The following OFD1 variants were observed in gnomAD, a reference collection of about 807,000 sequenced individuals.
The protein encoded by OFD1 is OFD1 centriole and centriolar satellite protein.
In OFD1, 12 loss-of-function variants were observed where a neutral mutation model predicts 81.4. That is an observed-to-expected ratio of 0.15 (90% confidence interval 0.09 to 0.24). OFD1 has a LOEUF of 0.24. Ranked by LOEUF, OFD1 falls within the 10% of genes least tolerant of loss-of-function variation. The pLI is 1.00. For synonymous variants in OFD1, 256 were observed against 263.7 expected, an observed-to-expected ratio of 0.97 and a Z score of 0.28; for missense variants, 685 against 733.9, an observed-to-expected ratio of 0.93 and a Z score of 0.77.
downstream of OFD1, among the ~76,000 whole-genome samples, chrX:13,769,926 C>T (rs978975843): frequency 1.6e-4 from 18 of 112,197 alleles, no homozygotes; most frequent in African/African-American, 5.5e-4. Flanking sequence ...TTGTAAGTTA[C>T]CCAGTCTAAG....
Position 13,757,649 on chromosome X carries a change from T to G in OFD1, c.1412-11T>G. The G allele has an allele frequency of 8.4e-7, 1 of 1,187,155 alleles. No homozygotes were observed. ...ATGACTAGGATTTTTTTTTTTTTTT[T>G]ACCTTCTTAGGCCTAGCTCAGCCGG... On this transcript the variant is annotated splice_polypyrimidine_tract_variant and intron_variant, in intron 13 of 22. Coordinates refer to ENST00000340096, the MANE Select transcript of OFD1 (RefSeq NM_003611.3).
chrX:13,717,411 C>T, the OFD1 span, among the ~76,000 whole-genome samples: 11 of 112,266 alleles, frequency 9.8e-5, no homozygotes, highest in African/African-American at 3.2e-4. Flanking sequence ...GAATTCAGAA[C>T]TTGGAATGCA....
At chrX:13,764,382 C>T (rs956762021) in intron 19 of OFD1, among the ~76,000 whole-genome samples, 2 of 112,258 alleles carry the variant, frequency 1.8e-5, no homozygotes, top group Non-Finnish European at 3.8e-5. Flanking sequence ...GCTGTGACAC[C>T]GAGTTAGCGT....
intron 13 of OFD1, among the ~76,000 whole-genome samples, 192 bp from the exon 14 acceptor site, chrX:13,757,468 C>A (rs990450430): frequency 1.8e-5 from 2 of 111,973 alleles, no homozygotes; most frequent in African/African-American, 6.5e-5. Flanking sequence ...TTAACATGCA[C>A]TAAATTCTTT....
the OFD1 span, among the ~76,000 whole-genome samples, chrX:13,728,954 A>C: frequency 1.8e-5 from 2 of 111,820 alleles, no homozygotes; most frequent in African/African-American, 3.3e-5. Context: ...CTATACACCA[A>C]TAATAGACAG....
chrX:13,731,551 G>T (rs764787661), upstream of OFD1, among the ~76,000 whole-genome samples: 3 of 112,043 alleles, frequency 2.7e-5, no homozygotes, highest in Non-Finnish European at 5.6e-5. Context: ...GAGTCCTGGA[G>T]CCTGAGTGAA....
intron 8 of OFD1, among the ~76,000 whole-genome samples, chrX:13,747,380 A>G (rs909383605): frequency 7.2e-5 from 8 of 111,669 alleles, no homozygotes; most frequent in African/African-American, 2.6e-4. Context: ...GAGAGAGGTC[A>G]AACCAGGTGC....
At position 13,735,099 on chromosome X, in the gene OFD1, C is replaced by T. The variant is rs375680703; in HGVS notation, c.12+16C>T. The T allele has an allele frequency of 5.8e-6, 7 of 1,202,624 alleles. No individual in the cohort carries two copies. The highest frequency in any genetic ancestry group is 1.8e-5 in the South Asian group (1 of 56,227). On this transcript the variant is annotated intron_variant, in intron 1 of 22. Coordinates refer to ENST00000340096, the MANE Select transcript of OFD1 (RefSeq NM_003611.3). Reference sequence around the variant, plus strand: ...GATGGCGCAGGTAGACACACCTGCCCCTTCTCGGGCGGAAATAAAGTCTTG... The same window carrying T: ...GATGGCGCAGGTAGACACACCTGCCTCTTCTCGGGCGGAAATAAAGTCTTG...
intron 5 of OFD1, among the ~76,000 whole-genome samples, chrX:13,741,639 G>C (rs145311955): frequency 0.17 from 18,784 of 111,693 alleles, 1,335 homozygotes; most frequent in South Asian, 0.33. Context: ...TTATTCACTT[G>C]GGTGCAAGTG....
At chrX:13,754,541 C>G (rs1382251998) in intron 11 of OFD1, among the ~76,000 whole-genome samples, 5 of 109,863 alleles carry the variant, frequency 4.6e-5, no homozygotes, top group Non-Finnish European at 9.5e-5. Flanking sequence ...CTCAGCCTCC[C>G]AAGTAGCTGG....
intron 20 of OFD1, chrX:13,767,822 T>C: frequency 2.8e-6 from 1 of 361,156 alleles, no homozygotes; most frequent in Non-Finnish European, 4.9e-6. Context: ...TTCCTTGGAC[T>C]CTTGGTTAAT....
upstream of OFD1, among the ~76,000 whole-genome samples, chrX:13,730,184 C>T (rs779863393): frequency 1.2e-3 from 127 of 109,488 alleles, 1 homozygote; most frequent in African/African-American, 4.0e-3. Flanking sequence ...TGACGAAGGG[C>T]TAATATCCAG....
the OFD1 span, among the ~76,000 whole-genome samples, chrX:13,726,447 C>A: frequency 1.2e-3 from 136 of 111,797 alleles, 2 homozygotes; most frequent in Non-Finnish European, 1.3e-3. Flanking sequence ...AGAGTGGGGG[C>A]CAATATTCAG....
At chrX:13,762,187 C>G (rs1215720469) in intron 17 of OFD1, among the ~76,000 whole-genome samples, 157 bp from the exon 18 acceptor site, 1 of 111,535 alleles carries the variant, frequency 9.0e-6, no homozygotes. Flanking sequence ...TTGCTGAGAA[C>G]AATGCCTAGT....
In OFD1 at chrX:13,755,541, T is replaced by G. The variant is rs760768878; in HGVS notation, c.1221+299T>G. On this transcript the variant is annotated intron_variant, in intron 12 of 22. Coordinates refer to ENST00000340096, the MANE Select transcript of OFD1 (RefSeq NM_003611.3). ...GTTCCTGAGCTGTAAACTAGGATGT[T>G]TTCCACATTATAGGGTTGTTGAGGG... 1.8e-3 allele frequency among the ~76,000 whole-genome samples: 203 copies of G among 111,651 alleles called. 2 individuals are homozygous for G. The highest frequency in any genetic ancestry group is 4.6e-3 in the Middle Eastern group (1 of 218).
At chrX:13,772,932 T>G, downstream of OFD1, 1 of 1,209,212 alleles carries the variant, frequency 8.3e-7, no homozygotes, top group South Asian at 1.8e-5. Context: ...TATCTTGCAG[T>G]TCCTGTTCTT....
Position 13,734,824 on chromosome X carries a change from T to G in OFD1, c.-248T>G. ...TCCCCGCCCTCCAGCCGCCTTTGAGTCGTGCCTGGGTCCTCGCCCTTGCCT... is the reference window on the plus strand; with the variant it reads ...TCCCCGCCCTCCAGCCGCCTTTGAGGCGTGCCTGGGTCCTCGCCCTTGCCT... On this transcript the variant is annotated 5_prime_UTR_variant, in exon 1 of 23. Transcript: ENST00000340096. The G allele has an allele frequency of 5.6e-6, 6 of 1,077,489 alleles. No homozygotes were observed. The South Asian group carries it at 9.8e-5, about 18-fold the overall frequency. 88.8% of individuals were successfully genotyped at this position (1,077,489 alleles called of 1,213,427 possible).
At chrX:13,748,431 C>T (rs1042602410) in intron 8 of OFD1, among the ~76,000 whole-genome samples, 1 of 112,380 alleles carries the variant, frequency 8.9e-6, no homozygotes, top group Non-Finnish European at 1.9e-5. Context: ...TCCCACTGAG[C>T]GACCCATTTA....
chrX:13,715,100 GACTA>G, the OFD1 span, among the ~76,000 whole-genome samples: 1 of 112,633 alleles, frequency 8.9e-6, no homozygotes, highest in Non-Finnish European at 1.9e-5. Flanking sequence ...TACTACCTCT[GACTA>G]GGAATACTGT....
Sources: gnomAD v4.1 joint callset for allele counts (sites outside exome capture counted in the v4.1 genomes callset) on GRCh38, gnomAD v4.1.1 for gene constraint, MANE v1.5 for transcripts, NCBI Gene and HGNC (gene_info 2026-07-23, HGNC 2026-07-21) for gene names.